Variants in DNAJA3 observed in about 807,000 individuals in gnomAD.
DNAJA3 encodes the protein dnaJ homolog subfamily A member 3, mitochondrial.
DNAJA3 carries 29 observed loss-of-function variants against 54.9 expected under a neutral mutation model. That is an observed-to-expected ratio of 0.53 (90% CI 0.39 to 0.72). The LOEUF (loss-of-function observed/expected upper bound fraction) is 0.72, where lower values mean the gene tolerates loss of function less well. Ranked by LOEUF, DNAJA3 falls within the 30% of genes least tolerant of loss-of-function variation. The pLI is 0.00. For synonymous variants in DNAJA3, 302 were observed against 251.4 expected, an observed-to-expected ratio of 1.20 and a Z score of -1.90; for missense variants, 708 against 639.4, an observed-to-expected ratio of 1.11 and a Z score of -1.16.
intron 9 of DNAJA3, 149 bp downstream of exon 9, chr16:4,448,997 G>A (rs549071120): frequency 4.9e-6 from 3 of 607,950 alleles, no homozygotes; most frequent in South Asian, 2.1e-5. Flanking sequence ...TAGTAGAATG[G>A]TCAACTTCTT....
chr16:4,442,516 T>C (rs548775398), intron 5 of DNAJA3, 96 bp downstream of exon 5: 21 of 1,361,086 alleles, frequency 1.5e-5, no homozygotes, highest in South Asian at 5.0e-5. Flanking sequence ...ATGCTGGGAA[T>C]TGGGGGAGTT....
At chr16:4,448,682 T>C in intron 8 of DNAJA3, 51 bp from the exon 9 acceptor site, 4 of 1,377,684 alleles carry the variant, frequency 2.9e-6, no homozygotes, top group Non-Finnish European at 3.1e-6. Context: ...GAAAACTTTT[T>C]ATTTGAGCAA....
At chr16:4,438,329 AAG>A (rs1328673943) in intron 3 of DNAJA3, among the ~76,000 whole-genome samples, 1 of 152,090 alleles carries the variant, frequency 6.6e-6, no homozygotes, top group Non-Finnish European at 1.5e-5. Context: ...AAAAAAAAAA[AAG>A]AACAGGATCC....
At chr16:4,446,787 T>C (rs2056906486) in intron 7 of DNAJA3, 99 bp from the exon 8 acceptor site, 10 of 1,441,096 alleles carry the variant, frequency 6.9e-6, no homozygotes, top group Non-Finnish European at 9.5e-6. Context: ...AAGGGGTGTG[T>C]AGTTTGTCAG....
intron 6 of DNAJA3, among the ~76,000 whole-genome samples, chr16:4,444,080 G>A (rs970611188): frequency 3.9e-5 from 6 of 152,248 alleles, no homozygotes; most frequent in East Asian, 1.9e-4. Flanking sequence ...TAGTGCTATC[G>A]TTTGGTTAAC....
chr16:4,448,589 G>A, intron 8 of DNAJA3, 144 bp from the exon 9 acceptor site: 2 of 633,184 alleles, frequency 3.2e-6, no homozygotes, highest in East Asian at 5.5e-5. Flanking sequence ...TGATCAGCCT[G>A]CCTCGACCTC....
chr16:4,455,429 G>C (rs2057024382), intron 11 of DNAJA3, 117 bp from the exon 12 acceptor site: 1 of 1,228,426 alleles, frequency 8.1e-7, no homozygotes, highest in Non-Finnish European at 1.2e-6. Context: ...CTCAGCAAGT[G>C]GGGTTCTCGC....
At chr16:4,439,310 T>C (rs1287297625) in intron 3 of DNAJA3, among the ~76,000 whole-genome samples, 1 of 150,670 alleles carries the variant, frequency 6.6e-6, no homozygotes, top group East Asian at 2.0e-4. Flanking sequence ...AGCCGAAGAT[T>C]GCGCCATTGT....
At position 4,450,471 on chromosome 16, in the gene DNAJA3, T is replaced by G. The variant is rs1442420975; in HGVS notation, c.1313T>G (p.Val438Gly). The G allele has an allele frequency of 6.2e-7, 1 of 1,610,946 alleles. No individual in the cohort carries two copies. The highest frequency in any genetic ancestry group is 1.3e-5 in the African/African-American group (1 of 74,890). Residue 438 changes from valine (V) to glycine (G), a missense_variant, in exon 10 of 12, where the codon GTG becomes GGG. Physicochemically the swap from Val to Gly is moderately radical, Grantham distance 109. Coordinates refer to ENST00000262375, the MANE Select transcript of DNAJA3 (RefSeq NM_005147.6). ...GACGAGACAGATGTGGAGGGGACGG[T>G]GAACGGCGTCACCCTCACCAGCTCT... is the stretch of plus-strand genomic sequence containing the variant. ...AEDETDVEGT[V>G]NGVTLTSSGG...
At position 4,426,103 on chromosome 16, in the gene DNAJA3, G is replaced by C. The variant is rs1229185624; in HGVS notation, c.211+11G>C. 6 of 1,554,406 alleles carry C rather than the reference G, an allele frequency of 3.9e-6. No individual in the cohort carries two copies. The highest frequency in any genetic ancestry group is 5.2e-6 in the Non-Finnish European group (6 of 1,149,242). ...GTGTCAGCCTTACAGGTGAGGGCAG[G>C]TTCCAACTTCCGAGTGGCGGTTTCA... On this transcript the variant is annotated intron_variant, in intron 1 of 11. Transcript: ENST00000262375.
intron 6 of DNAJA3, 35 bp from the exon 7 acceptor site, chr16:4,444,629 C>T: frequency 6.3e-7 from 1 of 1,599,674 alleles, no homozygotes; most frequent in Non-Finnish European, 8.6e-7. Context: ...CCACCGCGTC[C>T]TGCCTAACTT....
chr16:4,428,911 C>T (rs1319233046), intron 1 of DNAJA3, among the ~76,000 whole-genome samples: 2 of 123,910 alleles, frequency 1.6e-5, no homozygotes, highest in Non-Finnish European at 3.2e-5. Flanking sequence ...TTTTTTGAGA[C>T]GGAGTCTCAC....
chr16:4,442,410 G>T lies in DNAJA3; in HGVS notation c.773G>T (p.Gly258Val). The change falls in exon 5 of 12, where the codon GGC (glycine) becomes GTC (valine). Residue 258 changes from glycine (G) to valine (V), a missense_variant. Coordinates refer to ENST00000262375, the MANE Select transcript of DNAJA3 (RefSeq NM_005147.6). ...TKVQHCHYCG[G>V]SGMETINTGP... ...GTGCAGCATTGCCACTACTGTGGCG[G>T]CTCCGGCATGGTAAGGCTCTGCCCG... The T allele has an allele frequency of 6.3e-7, 1 of 1,597,940 alleles. No homozygotes were observed. The highest frequency in any genetic ancestry group is 1.3e-5 in the African/African-American group (1 of 74,460).
chr16:4,447,090 G>A (rs2141389332), intron 8 of DNAJA3, 76 bp downstream of exon 8: 1 of 1,544,540 alleles, frequency 6.5e-7, no homozygotes, highest in East Asian at 2.3e-5. Flanking sequence ...GAACTGACCA[G>A]TGGCCTGGAA....
chr16:4,447,317 C>G (rs1032514711), intron 8 of DNAJA3: 4 of 314,526 alleles, frequency 1.3e-5, no homozygotes, highest in Non-Finnish European at 1.8e-5. Flanking sequence ...GCTCTCTGCA[C>G]TTGCTTCTGT....
At position 4,455,730 on chromosome 16, in the gene DNAJA3, C is replaced by T. The variant is rs992278650; in HGVS notation, c.*198C>T. 4 of 783,048 alleles carry T rather than the reference C, an allele frequency of 5.1e-6. No individual in the cohort carries two copies. The highest frequency in any genetic ancestry group is 5.4e-5 in the East Asian group (2 of 37,300). 48.5% of individuals were successfully genotyped at this position (783,048 alleles called of 1,614,324 possible). A position where few individuals can be genotyped will look rare whatever the true frequency, so the allele number is the denominator to read the frequency against. The stretch of plus-strand genomic sequence containing the variant: ...CCACGGAAAGGTCACAGTGGACAGC[C>T]CGGGCAGTAGGATGCAGCCCCAGAG... On this transcript the variant is annotated 3_prime_UTR_variant, in exon 12 of 12. Coordinates refer to ENST00000262375, the MANE Select transcript of DNAJA3 (RefSeq NM_005147.6).
chr16:4,454,904 T>A lies in DNAJA3; in HGVS notation c.1433T>A (p.Phe478Tyr), dbSNP rs1207840985. The change falls in exon 11 of 12, where the codon TTT (phenylalanine) becomes TAT (tyrosine). Residue 478 changes from phenylalanine to tyrosine, a missense_variant. Phe to Tyr is a conservative substitution (Grantham distance 22). Transcript: ENST00000262375. ...TTCCTTTCCAAACTTAAGAAAATGT[T>A]TACCTCATGATATCCCAGCCGAGGT... ...EGFLSKLKKMFTS is the reference protein window; with the variant it reads ...EGFLSKLKKMYTS 6.2e-7 allele frequency: 1 copy of A among 1,613,380 alleles called. No individual in the cohort carries two copies. The highest frequency in any genetic ancestry group is 8.5e-7 in the Non-Finnish European group (1 of 1,179,366).
rs967072202 is a variant in DNAJA3 at position 4,426,075 on chromosome 16, C to A, written c.194C>A (p.Pro65His). 1 of 1,598,704 alleles carries A rather than the reference C, an allele frequency of 6.3e-7. No homozygotes were observed. The highest frequency in any genetic ancestry group is 1.4e-5 in the African/African-American group (1 of 73,358). Residue 65 changes from proline to histidine, a missense_variant, in exon 1 of 12, where the codon CCT becomes CAT. Transcript: ENST00000262375. ...CCCCGAGCGCTGCTGACATTGAGAC[C>A]TGGTGTCAGCCTTACAGGTGAGGGC... Reference protein sequence around the residue: ...CGPRALLTLRPGVSLTGTKHN... With the variant: ...CGPRALLTLRHGVSLTGTKHN...
chr16:4,442,199 C>G, intron 4 of DNAJA3, 69 bp from the exon 5 acceptor site: 2 of 1,495,260 alleles, frequency 1.3e-6, no homozygotes, highest in Non-Finnish European at 9.0e-7. Context: ...CCTCCTTTCC[C>G]TTTAGAGCCG....
Sources: gnomAD v4.1 joint callset for allele counts (sites outside exome capture counted in the v4.1 genomes callset) on GRCh38, gnomAD v4.1.1 for gene constraint, MANE v1.5 for transcripts, NCBI Gene and HGNC (gene_info 2026-07-23, HGNC 2026-07-21) for gene names.